Variants in PDSS2 observed in about 807,000 individuals in gnomAD.
PDSS2 encodes all trans-polyprenyl-diphosphate synthase PDSS2.
PDSS2 carries 31 observed loss-of-function variants against 44.5 expected under a neutral mutation model. The observed-to-expected ratio is 0.70, with a 90% CI of 0.52 to 0.94. The LOEUF is 0.94. Ranked by LOEUF, PDSS2 falls within the 40% of genes least tolerant of loss-of-function variation. The pLI is 0.00. For missense variants in PDSS2, 452 were observed against 482.2 expected (o/e 0.94, Z 0.59); for synonymous variants, 157 against 180.3 (o/e 0.87, Z 1.03).
intron 1 of PDSS2, among the ~76,000 whole-genome samples, chr6:107,442,124 A>C (rs1322042467): frequency 6.6e-6 from 1 of 152,090 alleles, no homozygotes; most frequent in Admixed American, 6.5e-5. Context: ...GTAATCCAAA[A>C]TCAATTTCTT....
intron 7 of PDSS2, among the ~76,000 whole-genome samples, chr6:107,166,006 C>A (rs1191665120): frequency 2.0e-5 from 3 of 152,114 alleles, no homozygotes; most frequent in Admixed American, 1.3e-4. Flanking sequence ...GATTTTTGCA[C>A]TTTGATTTTG....
chr6:107,193,029 T>A (rs1204649193), intron 7 of PDSS2, among the ~76,000 whole-genome samples: 1 of 152,198 alleles, frequency 6.6e-6, no homozygotes, highest in Non-Finnish European at 1.5e-5. Flanking sequence ...ATAAATCAGA[T>A]GGTTGACATG....
At chr6:107,399,975 G>C (rs1780058479) in intron 1 of PDSS2, among the ~76,000 whole-genome samples, 1 of 152,086 alleles carries the variant, frequency 6.6e-6, no homozygotes, top group Non-Finnish European at 1.5e-5. Flanking sequence ...AAAAGTGAAA[G>C]AAACTTCAGA....
At chr6:107,396,678 C>CTT (rs950671310) in intron 1 of PDSS2, among the ~76,000 whole-genome samples, 5,272 of 79,210 alleles carry the variant, frequency 0.067, 352 homozygotes, top group African/African-American at 0.12. Context: ...CTTCTTTTTT[C>CTT]TTTTTTTTTT....
intron 6 of PDSS2, among the ~76,000 whole-genome samples, chr6:107,200,689 T>C (rs1379202099): frequency 6.6e-6 from 1 of 152,004 alleles, no homozygotes; most frequent in Non-Finnish European, 1.5e-5. Flanking sequence ...ATTATTGAGA[T>C]GGAGTCTCAC....
At chr6:107,225,410 C>T (rs1773787345) in intron 4 of PDSS2, among the ~76,000 whole-genome samples, 1 of 151,496 alleles carries the variant, frequency 6.6e-6, no homozygotes, top group South Asian at 2.1e-4. Flanking sequence ...CTTGGCCTCC[C>T]AAAGTGCTGA....
At chr6:107,431,480 C>G (rs536182730) in intron 1 of PDSS2, among the ~76,000 whole-genome samples, 1 of 152,270 alleles carries the variant, frequency 6.6e-6, no homozygotes, top group African/African-American at 2.4e-5. Context: ...GAACTCTGGG[C>G]TCATGCGAAC....
intron 1 of PDSS2, among the ~76,000 whole-genome samples, chr6:107,361,683 TAC>T (rs939400638): frequency 3.3e-5 from 5 of 152,212 alleles, no homozygotes; most frequent in African/African-American, 9.7e-5. Context: ...CTTTAAAATG[TAC>T]AGATAGAGAC....
intron 7 of PDSS2, among the ~76,000 whole-genome samples, chr6:107,187,714 C>T (rs9384653): frequency 0.15 from 22,573 of 151,722 alleles, 2,147 homozygotes; most frequent in Non-Finnish European, 0.2. Flanking sequence ...CTACGGTCCT[C>T]GATCCCAGAC....
intron 2 of PDSS2, among the ~76,000 whole-genome samples, chr6:107,326,851 CAA>C (rs1287392644): frequency 2.0e-5 from 2 of 100,066 alleles, no homozygotes; most frequent in Non-Finnish European, 2.1e-5. Flanking sequence ...GGCTCTGTCT[CAA>C]AAAAAAAAAA....
At chr6:107,302,731 A>C in intron 2 of PDSS2, among the ~76,000 whole-genome samples, 1 of 152,244 alleles carries the variant, frequency 6.6e-6, no homozygotes, top group East Asian at 1.9e-4. Context: ...TCCTGTAAAA[A>C]AATTAAAATA....
intron 1 of PDSS2, among the ~76,000 whole-genome samples, chr6:107,383,830 T>C (rs1019905181): frequency 4.6e-5 from 7 of 152,186 alleles, no homozygotes; most frequent in African/African-American, 1.7e-4. Flanking sequence ...CATTCATTAA[T>C]GGGATTTTAA....
intron 7 of PDSS2, among the ~76,000 whole-genome samples, chr6:107,171,194 C>T (rs1554248529): frequency 6.6e-6 from 1 of 152,170 alleles, no homozygotes; most frequent in African/African-American, 2.4e-5. Context: ...ACAGGTCTCA[C>T]TCTGTCACCT....
chr6:107,271,666 C>T (rs1562423936), intron 3 of PDSS2, among the ~76,000 whole-genome samples: 1 of 152,134 alleles, frequency 6.6e-6, no homozygotes, highest in Non-Finnish European at 1.5e-5. Context: ...TTAGCAATTG[C>T]CCTGCATTCT....
At chr6:107,332,722 T>G (rs1351449284) in intron 2 of PDSS2, among the ~76,000 whole-genome samples, 2 of 152,202 alleles carry the variant, frequency 1.3e-5, no homozygotes, top group Non-Finnish European at 2.9e-5. Context: ...TCAAAATTTT[T>G]GAATCTGTTT....
chr6:107,279,643 A>AT (rs1218849448), intron 2 of PDSS2, among the ~76,000 whole-genome samples: 1 of 152,168 alleles, frequency 6.6e-6, no homozygotes, highest in Non-Finnish European at 1.5e-5. Context: ...AGATTCAGGG[A>AT]TTTTTTTAAA....
chr6:107,357,800 C>G (rs77061689), intron 1 of PDSS2, among the ~76,000 whole-genome samples: 2,037 of 152,194 alleles, frequency 0.013, 62 homozygotes, highest in East Asian at 0.12. Context: ...TTTGAGGAAT[C>G]TTTACATTTT....
intron 1 of PDSS2, among the ~76,000 whole-genome samples, chr6:107,442,736 ATTC>A (rs201143372): frequency 6.6e-6 from 1 of 152,104 alleles, no homozygotes; most frequent in Non-Finnish European, 1.5e-5. Flanking sequence ...TGCTCAGCTT[ATTC>A]TTCTTCTGTT....
chr6:107,162,754 G>A (rs2114300965), intron 7 of PDSS2, among the ~76,000 whole-genome samples: 1 of 151,732 alleles, frequency 6.6e-6, no homozygotes, highest in South Asian at 2.1e-4. Flanking sequence ...ACAGGCATGT[G>A]CCACCACACC....
Sources: gnomAD v4.1 joint callset for allele counts (sites outside exome capture counted in the v4.1 genomes callset) on GRCh38, gnomAD v4.1.1 for gene constraint, MANE v1.5 for transcripts, NCBI Gene and HGNC (gene_info 2026-07-23, HGNC 2026-07-21) for gene names.